CAP2: variants seen among roughly 807,000 people sequenced by gnomAD.
CAP2 encodes the protein cyclase associated actin cytoskeleton regulatory protein 2.
A neutral mutation model predicts 57.7 loss-of-function variants in CAP2; 24 were observed. The observed-to-expected ratio is 0.42, with a 90% CI of 0.30 to 0.58. The LOEUF is 0.58. CAP2 is among the 20% of genes least tolerant of loss of function. The pLI is 0.22. For synonymous variants in CAP2, 194 were observed against 207.2 expected, an observed-to-expected ratio of 0.94 and a Z score of 0.55; for missense variants, 501 against 590.3, an observed-to-expected ratio of 0.85 and a Z score of 1.57.
At chr6:17,425,262 A>AT (rs917468953) in intron 2 of CAP2, among the ~76,000 whole-genome samples, 65 of 152,014 alleles carry the variant, frequency 4.3e-4, no homozygotes, top group Non-Finnish European at 1.0e-4. Context: ...AGGGACTTAG[A>AT]TTTTTTTTCT....
chr6:17,539,191 G>A, intron 7 of CAP2, 78 bp from the exon 8 acceptor site: 3 of 1,379,096 alleles, frequency 2.2e-6, no homozygotes, highest in South Asian at 1.3e-5. Context: ...TTGGCAGCAG[G>A]TTTCGACTCT....
At chr6:17,407,106 T>C (rs192982802) in intron 1 of CAP2, among the ~76,000 whole-genome samples, 228 of 152,342 alleles carry the variant, frequency 1.5e-3, no homozygotes, top group Non-Finnish European at 2.1e-3. Context: ...CCTTCTTGAG[T>C]GTCCCTGGTA....
At chr6:17,534,374 A>G (rs1762721180) in intron 7 of CAP2, among the ~76,000 whole-genome samples, 1 of 152,198 alleles carries the variant, frequency 6.6e-6, no homozygotes, top group Non-Finnish European at 1.5e-5. Context: ...AGAGGCACGA[A>G]TGCAGTCTGC....
Position 17,541,160 on chromosome 6 carries a change from A to T in CAP2, c.1002+12A>T. 6.3e-7 allele frequency: 1 copy of T among 1,593,758 alleles called. No individual in the cohort carries two copies. The highest frequency in any genetic ancestry group is 1.3e-5 in the African/African-American group (1 of 74,432). ...AGAAATGGAGAGTGGTAAGTGAAGC[A>T]TTTTAACCTTTATTTTCCTGACATG... On this transcript the variant is annotated intron_variant, in intron 9 of 12. Transcript: ENST00000229922.
At chr6:17,403,214 G>A (rs1581487430) in intron 1 of CAP2, among the ~76,000 whole-genome samples, 1 of 152,180 alleles carries the variant, frequency 6.6e-6, no homozygotes, top group South Asian at 2.1e-4. Flanking sequence ...TGATTCTCAT[G>A]CATCAGCCTC....
intron 3 of CAP2, among the ~76,000 whole-genome samples, chr6:17,458,623 T>G (rs1412749548): frequency 6.6e-6 from 1 of 152,172 alleles, no homozygotes; most frequent in Non-Finnish European, 1.5e-5. Flanking sequence ...GAAAATTATC[T>G]GATATTGACA....
chr6:17,424,026 C>A (rs1166001757), intron 2 of CAP2, among the ~76,000 whole-genome samples: 2 of 152,122 alleles, frequency 1.3e-5, no homozygotes, highest in African/African-American at 4.8e-5. Context: ...GCCGAACAAC[C>A]TTTTACCTTA....
At chr6:17,506,595 G>T (rs549850131) in intron 4 of CAP2, among the ~76,000 whole-genome samples, 2 of 151,462 alleles carry the variant, frequency 1.3e-5, no homozygotes, top group African/African-American at 4.9e-5. Context: ...AGCCAATATC[G>T]CGCCACTGCA....
intron 2 of CAP2, among the ~76,000 whole-genome samples, chr6:17,423,168 A>T (rs776222682): frequency 6.6e-6 from 1 of 152,204 alleles, no homozygotes. Context: ...AAAGACCTAC[A>T]TTGGTGCTTC....
chr6:17,407,785 A>C (rs1223112204), intron 1 of CAP2, among the ~76,000 whole-genome samples: 9 of 151,044 alleles, frequency 6.0e-5, no homozygotes, highest in Non-Finnish European at 1.5e-5. Context: ...TCTCAAAAAA[A>C]AAAAAAAAAA....
intron 2 of CAP2, among the ~76,000 whole-genome samples, chr6:17,426,238 T>C (rs1017520090): frequency 1.3e-5 from 2 of 151,198 alleles, no homozygotes; most frequent in African/African-American, 2.4e-5. Flanking sequence ...TTTCTTTTTT[T>C]TTTTTTTTTC....
At chr6:17,538,024 G>A (rs1361188221) in intron 7 of CAP2, among the ~76,000 whole-genome samples, 2 of 152,016 alleles carry the variant, frequency 1.3e-5, no homozygotes, top group South Asian at 2.1e-4. Context: ...CCGAGATCAT[G>A]CCACTGCACT....
At chr6:17,413,212 T>C (rs1343990840) in intron 1 of CAP2, among the ~76,000 whole-genome samples, 2 of 152,200 alleles carry the variant, frequency 1.3e-5, no homozygotes, top group African/African-American at 4.8e-5. Flanking sequence ...TCCAGTTTCA[T>C]GAAACATTGA....
intron 11 of CAP2, among the ~76,000 whole-genome samples, chr6:17,544,599 G>C (rs1762997574): frequency 6.6e-6 from 1 of 151,804 alleles, no homozygotes; most frequent in Admixed American, 6.6e-5. Context: ...GAGTGCAGTG[G>C]CCCAGGCCAG....
intron 2 of CAP2, 30 bp downstream of exon 2, chr6:17,421,706 T>A (rs1375262265): frequency 1.2e-6 from 2 of 1,613,160 alleles, no homozygotes; most frequent in Non-Finnish European, 1.7e-6. Flanking sequence ...TCATTCCTGG[T>A]CTTCTTGTGG....
At chr6:17,547,644 A>G (rs9383293) in intron 11 of CAP2, among the ~76,000 whole-genome samples, 20,995 of 152,040 alleles carry the variant, frequency 0.14, 1,740 homozygotes, top group East Asian at 0.3. Context: ...GATTGAGACC[A>G]TCCTGGCTAA....
chr6:17,521,230 C>G lies in CAP2; in HGVS notation c.636+7276C>G, dbSNP rs956483074. ...GAGATCGAGACCATCCTGGCTAACA[C>G]GGTAAAACCCTGTCTCTACTAAAAA... is the stretch of plus-strand genomic sequence containing the variant. On this transcript the variant is annotated intron_variant, in intron 7 of 12. Coordinates refer to ENST00000229922, the MANE Select transcript of CAP2 (RefSeq NM_006366.3). 2.0e-5 allele frequency among the ~76,000 whole-genome samples: 3 copies of G among 151,094 alleles called. No individual in the cohort carries two copies. The East Asian group carries it at 5.9e-4, about 30-fold the overall frequency.
intron 1 of CAP2, among the ~76,000 whole-genome samples, chr6:17,410,410 G>GA (rs1759109537): frequency 6.6e-6 from 1 of 152,128 alleles, no homozygotes; most frequent in South Asian, 2.1e-4. Flanking sequence ...TTACGCAGAT[G>GA]AAAAAGAGTG....
chr6:17,518,762 C>T (rs958521453), intron 7 of CAP2, among the ~76,000 whole-genome samples: 24 of 151,966 alleles, frequency 1.6e-4, no homozygotes, highest in African/African-American at 5.6e-4. Context: ...CTCAGCCTCC[C>T]GAGCAGCTGG....
Sources: gnomAD v4.1 joint callset for allele counts (sites outside exome capture counted in the v4.1 genomes callset) on GRCh38, gnomAD v4.1.1 for gene constraint, MANE v1.5 for transcripts, NCBI Gene and HGNC (gene_info 2026-07-23, HGNC 2026-07-21) for gene names.